Variants in LRCH3 observed in about 807,000 individuals in gnomAD.
The protein encoded by LRCH3 is leucine rich repeats and calponin homology domain containing 3, also known as DISP complex protein LRCH3.
A neutral mutation model predicts 104.5 loss-of-function variants in LRCH3; 68 were observed. That is an observed-to-expected ratio of 0.65 (90% CI 0.54 to 0.80). LRCH3 has a LOEUF of 0.80. Ranked by LOEUF, LRCH3 falls within the 30% of genes least tolerant of loss-of-function variation. The probability of loss-of-function intolerance (pLI) is 0.00; values close to 1 mark genes in which losing one functional copy is unlikely to be tolerated. For synonymous variants in LRCH3, 344 were observed against 361.3 expected, an observed-to-expected ratio of 0.95 and a Z score of 0.54; for missense variants, 951 against 953.9, an observed-to-expected ratio of 1.00 and a Z score of 0.04.
intron 19 of LRCH3, among the ~76,000 whole-genome samples, chr3:197,875,246 G>C (rs1364076901): frequency 6.6e-6 from 1 of 152,030 alleles, no homozygotes; most frequent in Non-Finnish European, 1.5e-5. Context: ...CAGTTCTTAT[G>C]GCCCTCAGAA....
At chr3:197,835,639 G>C (rs769487268) in intron 8 of LRCH3, 35 bp from the exon 9 acceptor site, 12 of 1,548,926 alleles carry the variant, frequency 7.7e-6, no homozygotes, top group South Asian at 1.2e-5. Context: ...TTTCTGGTGT[G>C]TGTGTGTGTG....
intron 20 of LRCH3, 124 bp downstream of exon 20, chr3:197,875,899 T>C (rs1712834207): frequency 3.3e-6 from 2 of 606,700 alleles, no homozygotes; most frequent in South Asian, 4.6e-5. Context: ...TTAACATGAC[T>C]TTGTGTTACA....
chr3:197,814,792 C>T (rs1012454276), intron 1 of LRCH3, 116 bp from the exon 2 acceptor site: 1 of 787,022 alleles, frequency 1.3e-6, no homozygotes. Context: ...GCCTTAGAAG[C>T]TGTTTTACTT....
At chr3:197,866,833 C>CAA (rs1741540796) in intron 17 of LRCH3, among the ~76,000 whole-genome samples, 1 of 120,398 alleles carries the variant, frequency 8.3e-6, no homozygotes, top group Non-Finnish European at 1.9e-5. Context: ...TTAAAACAAA[C>CAA]AAACAAACAA....
chr3:197,847,034 CTG>C (rs201122877), intron 10 of LRCH3, among the ~76,000 whole-genome samples: 2,717 of 152,208 alleles, frequency 0.018, 107 homozygotes, highest in African/African-American at 0.062. Context: ...ATAAAAATGA[CTG>C]TATGTAAAAG....
At chr3:197,882,333 C>CA (rs1713844863) in intron 20 of LRCH3, 2 of 985,154 alleles carry the variant, frequency 2.0e-6, no homozygotes, top group Non-Finnish European at 2.4e-6. Flanking sequence ...CAGTTGCACT[C>CA]AAAGTATTTC....
At chr3:197,849,267 CAAAAAAA>C (rs35823428) in intron 12 of LRCH3, among the ~76,000 whole-genome samples, 1 of 35,316 alleles carries the variant, frequency 2.8e-5, no homozygotes, top group African/African-American at 9.1e-5. Context: ...GACTCCACCT[CAAAAAAA>C]AAAAAAAAAA....
At chr3:197,860,217 G>T (rs1740713752) in intron 15 of LRCH3, among the ~76,000 whole-genome samples, 1 of 152,120 alleles carries the variant, frequency 6.6e-6, no homozygotes, top group African/African-American at 2.4e-5. Context: ...GCCCAGGCGG[G>T]TCTCAAACTC....
In LRCH3 at chr3:197,813,525, T is replaced by C. The variant is rs1396820439; in HGVS notation, c.263-1383T>C. ...GAGGCATATAATTTTTTTTTTTTTT[T>C]TTTTTTTTTTTTTTTTTTTTTTTGA... On this transcript the variant is annotated intron_variant, in intron 1 of 20. Transcript: ENST00000425562. Among the ~76,000 whole-genome samples, 232 of 111,886 alleles carry C rather than the reference T, an allele frequency of 2.1e-3. 18 individuals are homozygous for C. The highest frequency in any genetic ancestry group is 9.1e-3 in the African/African-American group (212 of 23,258). 73.4% of individuals were successfully genotyped at this position (111,886 alleles called of 152,430 possible). A position where few individuals can be genotyped will look rare whatever the true frequency, so the allele number is the denominator to read the frequency against.
Position 197,832,197 on chromosome 3 carries a change from C to G in LRCH3, c.982C>G (p.Pro328Ala), listed in dbSNP as rs1364789830. Reference sequence around the variant, plus strand: ...TTAATGTTTCTGCTTCTTTTTTAAGCCTACAGATGAATTTTCAGATCTGCC... The same window carrying G: ...TTAATGTTTCTGCTTCTTTTTTAAGGCTACAGATGAATTTTCAGATCTGCC... ...SGDKRWSGNE[P>A]TDEFSDLPLR... The change falls in exon 8 of 21, where the codon CCT becomes GCT. Residue 328 changes from proline to alanine, a missense_variant and splice_region_variant. Pro to Ala is a conservative substitution (Grantham distance 27). Coordinates refer to ENST00000425562, the MANE Select transcript of LRCH3 (RefSeq NM_001365715.1). 6.2e-7 allele frequency: 1 copy of G among 1,610,886 alleles called. No individual in the cohort carries two copies. Among genetic ancestry groups the G allele is most frequent in the African/African-American group, 1.3e-5 (1 of 74,936 alleles).
At chr3:197,863,449 C>T (rs1046923621) in intron 15 of LRCH3, among the ~76,000 whole-genome samples, 1 of 152,094 alleles carries the variant, frequency 6.6e-6, no homozygotes, top group Middle Eastern at 3.4e-3. Context: ...TTAGTAGAGA[C>T]GGGGTTTCAC....
chr3:197,791,898 G>C (rs1276857183), intron 1 of LRCH3, among the ~76,000 whole-genome samples: 1 of 152,176 alleles, frequency 6.6e-6, no homozygotes, highest in African/African-American at 2.4e-5. Flanking sequence ...TGCTAAGACG[G>C]GAACGTTAGC....
rs563560650 is a variant in LRCH3 at position 197,810,230 on chromosome 3, C to A, written c.263-4678C>A. On this transcript the variant is annotated intron_variant, in intron 1 of 20. Coordinates refer to ENST00000425562, the MANE Select transcript of LRCH3 (RefSeq NM_001365715.1). This position sits in a 1 kb window ranked among gnomAD's most constrained non-coding sequence, Gnocchi z 4.0. ...GGAGTTCAGTGGCACGATCTTGGCT[C>A]ACTGCAGCCTCCGCCTCCTGGGTTC... 5.4e-4 allele frequency among the ~76,000 whole-genome samples: 82 copies of A among 152,284 alleles called. No individual in the cohort carries two copies. The highest frequency in any genetic ancestry group is 1.9e-3 in the African/African-American group (81 of 41,542).
rs1300499361 is a variant in LRCH3, at chr3:197,829,671, C to A, written c.885C>A (p.Ser295=). 1.3e-6 allele frequency: 2 copies of A among 1,599,216 alleles called. No homozygotes were observed. The highest frequency in any genetic ancestry group is 1.7e-6 in the Non-Finnish European group (2 of 1,169,230). ...DYDRRPLGFG[S]CHEELYSSRP... is the part of the protein sequence containing the mutation. ...ATAGGAGACCGTTGGGTTTTGGCTC[C>A]TGGTAAGTATATTCTGTCCCTTTAT... Residue 295 remains serine (S), a splice_region_variant and synonymous_variant, in exon 6 of 21, where the codon TCC becomes TCA. Coordinates refer to ENST00000425562, the MANE Select transcript of LRCH3 (RefSeq NM_001365715.1).
At chr3:197,812,863 G>C (rs936131874) in intron 1 of LRCH3, among the ~76,000 whole-genome samples, 1 of 152,048 alleles carries the variant, frequency 6.6e-6, no homozygotes, top group African/African-American at 2.4e-5. Context: ...CACCCAACCA[G>C]TTCTTTTCAT....
At chr3:197,840,219 T>G (rs911703963) in intron 10 of LRCH3, among the ~76,000 whole-genome samples, 1 of 151,980 alleles carries the variant, frequency 6.6e-6, no homozygotes, top group South Asian at 2.1e-4. Context: ...AGGTGGATCA[T>G]TTGAGGTCAG....
Position 197,887,730 on chromosome 3 carries a change from CTG to C in LRCH3, c.*4065_*4066del, listed in dbSNP as rs1230121730. ...GAGCCCTTCCCATCACTGACAGTGT[CTG>C]GGGCTGAGAGCCCCCCAGCAGAGCC... On this transcript the variant is annotated 3_prime_UTR_variant, in exon 21 of 21. Transcript: ENST00000425562. 1 of 76,112 alleles carries C rather than the reference CTG, an allele frequency of 1.3e-5. No homozygotes were observed. Among genetic ancestry groups the C allele is most frequent in the African/African-American group, 1.0e-4 (1 of 9,682 alleles). 4.7% of individuals were successfully genotyped at this position (76,112 alleles called of 1,614,324 possible).
In LRCH3 at chr3:197,856,236, G is replaced by A. The variant is rs955960222; in HGVS notation, c.1644+1791G>A. 6.6e-6 allele frequency among the ~76,000 whole-genome samples: 1 copy of A among 151,994 alleles called. No homozygotes were observed. Among genetic ancestry groups the A allele is most frequent in the Non-Finnish European group, 1.5e-5 (1 of 68,004 alleles). ...TCGGCAGCCCACCACCCTTAAATCA[G>A]CCCACAGTTTGACAGTTAAATAAAC... On this transcript the variant is annotated intron_variant, in intron 14 of 20. Coordinates refer to ENST00000425562, the MANE Select transcript of LRCH3 (RefSeq NM_001365715.1). This position sits in a 1 kb window ranked among gnomAD's most constrained non-coding sequence, Gnocchi z 4.2.
intron 4 of LRCH3, 56 bp from the exon 5 acceptor site, chr3:197,826,822 A>C: frequency 6.2e-7 from 1 of 1,601,192 alleles, no homozygotes; most frequent in South Asian, 1.1e-5. Context: ...GCTTTGTAAA[A>C]ATTCTCTAGT....
Sources: allele counts gnomAD v4.1 joint callset (sites outside exome capture counted in the v4.1 genomes callset), GRCh38; gene constraint gnomAD v4.1.1; non-coding constraint Gnocchi (gnomAD v3.1); transcripts MANE v1.5; gene names NCBI Gene and HGNC (gene_info 2026-07-23, HGNC 2026-07-21).